AGBL4: variants seen among roughly 807,000 people sequenced by gnomAD.
The protein encoded by AGBL4 is cytosolic carboxypeptidase 6.
Under a neutral mutation model 66.4 loss-of-function variants are expected in AGBL4, and 58 were observed. The observed-to-expected ratio is 0.87, with a 90% CI of 0.71 to 1.09. The LOEUF (loss-of-function observed/expected upper bound fraction) is 1.09. AGBL4 is among the 50% of genes least tolerant of loss of function. AGBL4 has a pLI of 0.00. For synonymous variants in AGBL4, 234 were observed against 222.9 expected, an observed-to-expected ratio of 1.05 and a Z score of -0.44; for missense variants, 579 against 631.0, an observed-to-expected ratio of 0.92 and a Z score of 0.88.
At chr1:48,739,650 A>C (rs1649606081) in intron 6 of AGBL4, among the ~76,000 whole-genome samples, 1 of 152,166 alleles carries the variant, frequency 6.6e-6, no homozygotes, top group Non-Finnish European at 1.5e-5. Flanking sequence ...TCTCAGCTAT[A>C]CAGTCAGCAG....
intron 9 of AGBL4, among the ~76,000 whole-genome samples, chr1:48,618,362 C>G (rs79298622): frequency 6.6e-6 from 1 of 152,142 alleles, no homozygotes; most frequent in Non-Finnish European, 1.5e-5. Flanking sequence ...GATTCATCCC[C>G]GGGGCCTGGA....
intron 3 of AGBL4, among the ~76,000 whole-genome samples, chr1:49,332,596 T>C (rs1186455589): frequency 1.3e-5 from 2 of 152,178 alleles, no homozygotes; most frequent in Non-Finnish European, 2.9e-5. Context: ...ATATTCTCAT[T>C]GTGGAATAAT....
At chr1:48,892,997 C>T (rs938524089) in intron 5 of AGBL4, among the ~76,000 whole-genome samples, 3 of 152,170 alleles carry the variant, frequency 2.0e-5, no homozygotes. Flanking sequence ...AAAATACACA[C>T]ACCTGCATAT....
chr1:49,442,589 G>A (rs576349493), intron 3 of AGBL4, among the ~76,000 whole-genome samples: 3 of 152,220 alleles, frequency 2.0e-5, no homozygotes, highest in East Asian at 3.9e-4. Context: ...ATGATTTCAC[G>A]CTTTTTGATG....
intron 3 of AGBL4, among the ~76,000 whole-genome samples, chr1:49,456,461 C>A (rs569252748): frequency 6.6e-6 from 1 of 151,868 alleles, no homozygotes; most frequent in South Asian, 2.1e-4. Flanking sequence ...TGATTTATTA[C>A]AACTACCCCA....
intron 3 of AGBL4, among the ~76,000 whole-genome samples, chr1:49,685,263 C>G (rs1646766238): frequency 6.6e-6 from 1 of 152,124 alleles, no homozygotes; most frequent in Admixed American, 6.5e-5. Context: ...TGTATACATA[C>G]CACATTTTCT....
chr1:48,916,474 C>G (rs1653592272), intron 5 of AGBL4, among the ~76,000 whole-genome samples: 1 of 152,154 alleles, frequency 6.6e-6, no homozygotes, highest in African/African-American at 2.4e-5. Flanking sequence ...AACTTTAGGT[C>G]TGAGATTTCT....
chr1:49,897,719 G>C (rs991867292), intron 1 of AGBL4, among the ~76,000 whole-genome samples: 6 of 152,036 alleles, frequency 3.9e-5, no homozygotes, highest in Non-Finnish European at 7.4e-5. Context: ...CAGAGCGATA[G>C]TAACTCAAAC....
intron 1 of AGBL4, among the ~76,000 whole-genome samples, chr1:49,870,305 G>A (rs965611653): frequency 6.6e-6 from 1 of 152,094 alleles, no homozygotes; most frequent in Non-Finnish European, 1.5e-5. Flanking sequence ...CACACTGTTA[G>A]TGAAATGGTA....
chr1:48,608,124 G>A (rs1248686802), intron 9 of AGBL4, among the ~76,000 whole-genome samples: 3 of 152,148 alleles, frequency 2.0e-5, no homozygotes, highest in Non-Finnish European at 2.9e-5. Flanking sequence ...CCAATGATTG[G>A]AACTGCCTGG....
chr1:49,833,076 T>C (rs1007469598), intron 2 of AGBL4, among the ~76,000 whole-genome samples: 2 of 152,172 alleles, frequency 1.3e-5, no homozygotes, highest in Non-Finnish European at 2.9e-5. Flanking sequence ...CCCGTGCCTA[T>C]GTCCTGAATG....
At chr1:49,223,161 G>A (rs1482172132) in intron 4 of AGBL4, among the ~76,000 whole-genome samples, 1 of 152,148 alleles carries the variant, frequency 6.6e-6, no homozygotes, top group Non-Finnish European at 1.5e-5. Flanking sequence ...GTAAAAGAGT[G>A]AGTTGAATCT....
intron 3 of AGBL4, among the ~76,000 whole-genome samples, chr1:49,548,102 C>T (rs531305433): frequency 6.6e-6 from 1 of 152,224 alleles, no homozygotes; most frequent in South Asian, 2.1e-4. Context: ...TGATTCTCTG[C>T]TTGGTTGCTG....
intron 3 of AGBL4, among the ~76,000 whole-genome samples, chr1:49,499,832 C>T (rs1647967221): frequency 6.6e-6 from 1 of 151,714 alleles, no homozygotes; most frequent in African/African-American, 2.4e-5. Context: ...AATTGTGCTG[C>T]TGTAAACATG....
At chr1:48,975,666 A>C (rs892655841) in intron 5 of AGBL4, among the ~76,000 whole-genome samples, 7 of 152,144 alleles carry the variant, frequency 4.6e-5, no homozygotes, top group South Asian at 2.1e-4. Context: ...CAACAAGTGA[A>C]AATGGTGTAA....
At chr1:49,022,443 CA>C (rs944689977) in intron 5 of AGBL4, among the ~76,000 whole-genome samples, 1 of 151,990 alleles carries the variant, frequency 6.6e-6, no homozygotes, top group South Asian at 2.1e-4. Context: ...ATTTGACAAA[CA>C]TTTTTTTGAG....
chr1:48,716,229 C>T (rs1464589538), intron 6 of AGBL4, among the ~76,000 whole-genome samples: 2 of 152,148 alleles, frequency 1.3e-5, no homozygotes, highest in East Asian at 1.9e-4. Context: ...AGGAGGGAAA[C>T]GCATCATGTT....
At chr1:49,886,296 CA>C (rs1294403120) in intron 1 of AGBL4, among the ~76,000 whole-genome samples, 1 of 152,110 alleles carries the variant, frequency 6.6e-6, no homozygotes, top group Non-Finnish European at 1.5e-5. Flanking sequence ...GCCTTCCTCA[CA>C]AAAGGCTTCC....
At chr1:49,915,579 C>T (rs1020246828) in intron 1 of AGBL4, among the ~76,000 whole-genome samples, 21 of 152,272 alleles carry the variant, frequency 1.4e-4, no homozygotes, top group South Asian at 8.3e-4. Context: ...GTAAACAAAG[C>T]GGCCCACAAG....
Sources: allele counts gnomAD v4.1 joint callset (sites outside exome capture counted in the v4.1 genomes callset), GRCh38; gene constraint gnomAD v4.1.1; transcripts MANE v1.5; gene names NCBI Gene and HGNC (gene_info 2026-07-23, HGNC 2026-07-21).